TRAPPC14: variants seen among roughly 807,000 people sequenced by gnomAD.
The protein encoded by TRAPPC14 is microtubule associated protein 11.
Under a neutral mutation model 56.6 loss-of-function variants are expected in TRAPPC14, and 24 were observed. The ratio of observed to expected loss-of-function variants is 0.42; its 90% CI spans 0.31 to 0.60. The LOEUF is 0.60. TRAPPC14 is among the 20% of genes least tolerant of loss of function. The pLI, the probability that TRAPPC14 is intolerant of heterozygous loss-of-function variation, is 0.14. For synonymous variants in TRAPPC14, 377 were observed against 347.0 expected, an observed-to-expected ratio of 1.09 and a Z score of -0.96; for missense variants, 615 against 790.3, an observed-to-expected ratio of 0.78 and a Z score of 2.66.
At position 100,156,546 on chromosome 7, in the gene TRAPPC14, C is replaced by T. The variant is rs756529752; in HGVS notation, c.1080G>A (p.Leu360=). ...ACGGGCGGTCCAAGCGGACACTGGG[C>T]AGGCTAGGAGTGGTGAGAGAGGGAT... ...FTQSIYTHYR[L]PSVRLDRPCF... Residue 360 remains leucine, a synonymous_variant, in exon 8 of 11, where the codon CTG becomes CTA. Coordinates refer to ENST00000316937, the MANE Select transcript of TRAPPC14 (RefSeq NM_018275.5). 5.0e-6 allele frequency: 8 copies of T among 1,613,924 alleles called. No individual in the cohort carries two copies. The Admixed American group carries it at 1.2e-4, about 24-fold the overall frequency.
chr7:100,157,253 C>T lies in TRAPPC14; in HGVS notation c.725-39G>A, dbSNP rs548836484. 2.0e-5 allele frequency: 32 copies of T among 1,613,866 alleles called. No homozygotes were observed. In the South Asian group the frequency reaches 3.3e-4, roughly 17 times the overall value. On this transcript the variant is annotated intron_variant, in intron 4 of 10. Transcript: ENST00000316937. ...CCAGCTTGGCTCAGAATAGCTGGACCCCTCAGGCCCCACCTTTACCCAGAA... is the reference window on the plus strand; with the variant it reads ...CCAGCTTGGCTCAGAATAGCTGGACTCCTCAGGCCCCACCTTTACCCAGAA...
Position 100,155,850 on chromosome 7 carries a change from A to C in TRAPPC14, c.1241-25T>G. 8 of 1,614,148 alleles carry C rather than the reference A, an allele frequency of 5.0e-6. 1 individual carries two copies. Among genetic ancestry groups the C allele is most frequent in the South Asian group, 2.2e-5 (2 of 91,088 alleles). On this transcript the variant is annotated intron_variant, in intron 8 of 10. Coordinates refer to ENST00000316937, the MANE Select transcript of TRAPPC14 (RefSeq NM_018275.5). ...CCTGGGGGCAGAAACAGGGACCAGC[A>C]AACACTACAGCGTTCCTCATTCCCA...
chr7:100,154,982 G>C lies in TRAPPC14; in HGVS notation c.*29C>G. 1.2e-6 allele frequency: 2 copies of C among 1,613,022 alleles called. No homozygotes were observed. The highest frequency in any genetic ancestry group is 1.7e-6 in the Non-Finnish European group (2 of 1,178,988). On this transcript the variant is annotated 3_prime_UTR_variant, in exon 11 of 11. Transcript: ENST00000316937. ...CCTCTGGGGGCGTTGGGTCTCTGGA[G>C]TGTAAGAGGGAACAGAGCTGGCACG... is the stretch of plus-strand genomic sequence containing the variant.
intron 6 of TRAPPC14, 21 bp from the exon 7 acceptor site, chr7:100,156,737 G>T: frequency 6.2e-7 from 1 of 1,604,864 alleles, no homozygotes; most frequent in South Asian, 1.1e-5. Flanking sequence ...GACAAAGGGG[G>T]TTGGCACAGG....
chr7:100,158,433 C>A lies in TRAPPC14; in HGVS notation c.67G>T (p.Ala23Ser). ...GCCCGGTACCGGCCCGGATCCCCTG[C>A]CAGCTCCGCGCGCGGCGGCAGCGGC... ...AVPLPPRAEL[A>S]GDPGRYRALP... The change falls in exon 1 of 11, where the codon GCA (alanine) becomes TCA (serine). Residue 23 changes from alanine (A) to serine (S), a missense_variant. Ala to Ser is a moderately conservative substitution (Grantham distance 99). Coordinates refer to ENST00000316937, the MANE Select transcript of TRAPPC14 (RefSeq NM_018275.5). 1 of 1,409,386 alleles carries A rather than the reference C, an allele frequency of 7.1e-7. No individual in the cohort carries two copies. Among genetic ancestry groups the A allele is most frequent in the Non-Finnish European group, 9.2e-7 (1 of 1,083,602 alleles). 87.3% of individuals were successfully genotyped at this position (1,409,386 alleles called of 1,614,324 possible). A position where few individuals can be genotyped will look rare whatever the true frequency, so the allele number is the denominator to read the frequency against.
Position 100,157,776 on chromosome 7 carries a change from A to G in TRAPPC14, c.508-14T>C. The G allele has an allele frequency of 6.2e-7, 1 of 1,614,226 alleles. No homozygotes were observed. Among genetic ancestry groups the G allele is most frequent in the Non-Finnish European group, 8.5e-7 (1 of 1,180,022 alleles). ...AGTCACTACAATCTGTCAAGAGGAA[A>G]GACAGATGGCTGAGCCCGGAAAAGG... On this transcript the variant is annotated splice_polypyrimidine_tract_variant and intron_variant, in intron 2 of 10. Coordinates refer to ENST00000316937, the MANE Select transcript of TRAPPC14 (RefSeq NM_018275.5).
intron 8 of TRAPPC14, 59 bp downstream of exon 8, chr7:100,156,323 CCTGA>C: frequency 6.3e-7 from 1 of 1,575,148 alleles, no homozygotes; most frequent in Non-Finnish European, 8.7e-7. Flanking sequence ...GTCCTGCCTC[CCTGA>C]CTTTTTCCTT....
rs11764527 is a variant in TRAPPC14, at chr7:100,156,086, G to A, written c.1241-261C>T. 1,357 of 652,700 alleles carry A rather than the reference G, an allele frequency of 2.1e-3. 7 individuals carry two copies. Among genetic ancestry groups the A allele is most frequent in the Middle Eastern group, 0.01 (34 of 3,318 alleles). The allele number at this position is 652,700 out of a possible 1,614,324, so 40.4% of individuals were successfully genotyped here. ...AAAGGTGAGGACTCTGAGGCCCAGAGAGGTTAAGTAACTTATTCAAGGTCA... is the reference window on the plus strand; with the variant it reads ...AAAGGTGAGGACTCTGAGGCCCAGAAAGGTTAAGTAACTTATTCAAGGTCA... On this transcript the variant is annotated intron_variant, in intron 8 of 10. Coordinates refer to ENST00000316937, the MANE Select transcript of TRAPPC14 (RefSeq NM_018275.5).
chr7:100,158,129 G>T lies in TRAPPC14; in HGVS notation c.371C>A (p.Thr124Asn). The stretch of plus-strand genomic sequence containing the variant: ...TGAGGTAGCAGGGCCCGGGCCGTGG[G>T]TGAGAAGGGGGCTGCAGCCTCGGAA... ...GLFRGCSPLL[T>N]HGPGPATSGG... is the part of the protein sequence containing the mutation. Residue 124 changes from threonine to asparagine, a missense_variant, in exon 1 of 11, where the codon ACC (threonine) becomes AAC (asparagine). Physicochemically the swap from Thr to Asn is moderately conservative, Grantham distance 65. Coordinates refer to ENST00000316937, the MANE Select transcript of TRAPPC14 (RefSeq NM_018275.5). 1 of 1,495,906 alleles carries T rather than the reference G, an allele frequency of 6.7e-7. No homozygotes were observed. The highest frequency in any genetic ancestry group is 8.9e-7 in the Non-Finnish European group (1 of 1,127,938). 92.7% of individuals were successfully genotyped at this position (1,495,906 alleles called of 1,614,324 possible).
In TRAPPC14 at chr7:100,155,159, C is replaced by T. The variant is rs779135831; in HGVS notation, c.1595G>A (p.Gly532Asp). The change falls in exon 11 of 11, where the codon GGC (glycine) becomes GAC (aspartate). Residue 532 changes from glycine to aspartate, a missense_variant. Physicochemically the swap from Gly to Asp is moderately conservative, Grantham distance 94 (BLOSUM62 -1). Coordinates refer to ENST00000316937, the MANE Select transcript of TRAPPC14 (RefSeq NM_018275.5). ...QPSRSHLMRSGSVMERRAITP... is the reference protein window; with the variant it reads ...QPSRSHLMRSDSVMERRAITP... ...GATGGCTCTGCGCTCCATCACACTG[C>T]CCGACCTGGGGGAAGGCAGAGGCTG... The T allele has an allele frequency of 1.9e-6, 3 of 1,610,700 alleles. No homozygotes were observed. The African/African-American group carries it at 4.0e-5, about 21-fold the overall frequency.
In TRAPPC14 at chr7:100,154,459, T is replaced by A; in HGVS notation, c.*552A>T. The A allele has an allele frequency of 5.6e-6, 1 of 177,768 alleles. No homozygotes were observed. The highest frequency in any genetic ancestry group is 1.2e-5 in the Non-Finnish European group (1 of 82,504). 11.0% of individuals were successfully genotyped at this position (177,768 alleles called of 1,614,324 possible). On this transcript the variant is annotated 3_prime_UTR_variant, in exon 11 of 11. Transcript: ENST00000316937. Reference sequence around the variant, plus strand: ...CAGGCATTTAATAGTCTTATTTCAGTTGGAAGCAATAGTTGGAAAATAAGT... The same window carrying A: ...CAGGCATTTAATAGTCTTATTTCAGATGGAAGCAATAGTTGGAAAATAAGT...
chr7:100,155,089 G>A lies in TRAPPC14; in HGVS notation c.1665C>T (p.Pro555=). The part of the protein sequence containing the change: ...ASPVGRPLYL[P]PDKAVLSLDK... ...CCAGAGACAACACAGCCTTGTCCGG[G>A]GGCAGGTAGAGGGGGCGGCCAACAG... The change falls in exon 11 of 11, where the codon CCC becomes CCT. Residue 555 remains proline, a synonymous_variant. Transcript: ENST00000316937. 6.2e-7 allele frequency: 1 copy of A among 1,613,990 alleles called. No individual in the cohort carries two copies. Among genetic ancestry groups the A allele is most frequent in the Non-Finnish European group, 8.5e-7 (1 of 1,179,864 alleles).
chr7:100,155,255 T>C lies in TRAPPC14; in HGVS notation c.1589+7A>G. ...CCGGTCCCATGCCACGCCCCCTGGT[T>C]CTGTACCTCATGAGGTGGCTTCGGG... is the stretch of plus-strand genomic sequence containing the variant. On this transcript the variant is annotated splice_region_variant and intron_variant, in intron 10 of 10. Coordinates refer to ENST00000316937, the MANE Select transcript of TRAPPC14 (RefSeq NM_018275.5). 6.3e-7 allele frequency: 1 copy of C among 1,577,686 alleles called. No individual in the cohort carries two copies. Among genetic ancestry groups the C allele is most frequent in the African/African-American group, 1.3e-5 (1 of 74,266 alleles).
rs929104919 is a variant in TRAPPC14, at chr7:100,158,269, G to A, written c.231C>T (p.Thr77=). 4.0e-6 allele frequency: 6 copies of A among 1,490,792 alleles called. No individual in the cohort carries two copies. Among genetic ancestry groups the A allele is most frequent in the Admixed American group, 4.5e-5 (2 of 44,190 alleles). 92.3% of individuals were successfully genotyped at this position (1,490,792 alleles called of 1,614,324 possible). The change falls in exon 1 of 11, where the codon ACC becomes ACT. Residue 77 remains threonine, a synonymous_variant. Coordinates refer to ENST00000316937, the MANE Select transcript of TRAPPC14 (RefSeq NM_018275.5). ...GSRGAWAELA[T]ALAALASVSA... is the part of the protein sequence containing the mutation. ...TGACCGAGGCCAGGGCGGCCAGGGCGGTTGCCAGTTCTGCCCAGGCTCCTC... is the reference window on the plus strand; with the variant it reads ...TGACCGAGGCCAGGGCGGCCAGGGCAGTTGCCAGTTCTGCCCAGGCTCCTC...
Position 100,157,738 on chromosome 7 carries a change from C to T in TRAPPC14, c.532G>A (p.Glu178Lys), listed in dbSNP as rs540692644. The T allele has an allele frequency of 4.3e-6, 7 of 1,614,208 alleles. No individual in the cohort carries two copies. Among genetic ancestry groups the T allele is most frequent in the Non-Finnish European group, 5.9e-6 (7 of 1,180,034 alleles). ...AKIVVTVWKR[E>K]IEAPEVRDQG... is the part of the protein sequence containing the mutation. ...TCTCTGACCTCTGGTGCCTCAATCTCCCGCTTCCACACAGTCACTACAATC... is the reference window on the plus strand; with the variant it reads ...TCTCTGACCTCTGGTGCCTCAATCTTCCGCTTCCACACAGTCACTACAATC... The change falls in exon 3 of 11, where the codon GAG becomes AAG. Residue 178 changes from glutamate to lysine, a missense_variant. Coordinates refer to ENST00000316937, the MANE Select transcript of TRAPPC14 (RefSeq NM_018275.5).
intron 8 of TRAPPC14, 79 bp from the exon 9 acceptor site, chr7:100,155,904 G>T: frequency 1.3e-6 from 2 of 1,563,900 alleles, no homozygotes; most frequent in South Asian, 2.2e-5. Context: ...AGTCTCATCT[G>T]ATTCTCAAAG....
Position 100,155,203 on chromosome 7 carries a change from G to A in TRAPPC14, c.1590-39C>T, listed in dbSNP as rs202148754. On this transcript the variant is annotated intron_variant, in intron 10 of 10. Coordinates refer to ENST00000316937, the MANE Select transcript of TRAPPC14 (RefSeq NM_018275.5). The stretch of plus-strand genomic sequence containing the variant: ...GAGGCTGTGGGCGCTGGTCAGACCC[G>A]GCACCCTCGCTGCTCCCATCCTCTA... The A allele has an allele frequency of 1.1e-4, 172 of 1,606,774 alleles. 1 individual carries two copies. In the Admixed American group the frequency reaches 2.2e-3, roughly 20 times the overall value.
intron 8 of TRAPPC14, 109 bp downstream of exon 8, chr7:100,156,277 G>A: frequency 8.6e-7 from 1 of 1,166,540 alleles, no homozygotes. Context: ...GTCGCCTCCT[G>A]TGATGGGGCT....
rs780311788 is a variant in TRAPPC14, at chr7:100,154,967, C to T, written c.*44G>A. On this transcript the variant is annotated 3_prime_UTR_variant, in exon 11 of 11. Coordinates refer to ENST00000316937, the MANE Select transcript of TRAPPC14 (RefSeq NM_018275.5). ...CGGGAGCAGGGATCCCCTCTGGGGGCGTTGGGTCTCTGGAGTGTAAGAGGG... is the reference window on the plus strand; with the variant it reads ...CGGGAGCAGGGATCCCCTCTGGGGGTGTTGGGTCTCTGGAGTGTAAGAGGG... The T allele has an allele frequency of 5.0e-6, 8 of 1,605,128 alleles. No individual in the cohort carries two copies. The highest frequency in any genetic ancestry group is 2.2e-5 in the South Asian group (2 of 90,870).
Sources: gnomAD v4.1 joint callset for allele counts on GRCh38, gnomAD v4.1.1 for gene constraint, MANE v1.5 for transcripts, NCBI Gene and HGNC (gene_info 2026-07-23, HGNC 2026-07-21) for gene names.